SDK1: variants seen among roughly 807,000 people sequenced by gnomAD.
SDK1 encodes the protein sidekick cell adhesion molecule 1.
Under a neutral mutation model 245.5 loss-of-function variants are expected in SDK1, and 157 were observed. That is an observed-to-expected ratio of 0.64 (90% confidence interval 0.56 to 0.73). The LOEUF (loss-of-function observed/expected upper bound fraction) is 0.73, where lower values mean the gene tolerates loss of function less well. SDK1 is among the 30% of genes least tolerant of loss of function. The pLI, the probability that SDK1 is intolerant of heterozygous loss-of-function variation, is 0.00. For missense variants in SDK1, 3,583 were observed against 3,002.3 expected, an observed-to-expected ratio of 1.19 and a Z score of -4.52; for synonymous variants, 1,647 against 1,278.5, an observed-to-expected ratio of 1.29 and a Z score of -6.15.
At chr7:4,078,044 G>A (rs998650359) in intron 21 of SDK1, among the ~76,000 whole-genome samples, 12 of 152,196 alleles carry the variant, frequency 7.9e-5, no homozygotes, top group Non-Finnish European at 1.5e-4. Flanking sequence ...ACCTCCGGAA[G>A]GCTGTGCTTC....
chr7:3,404,486 T>C (rs1779000361), intron 1 of SDK1, among the ~76,000 whole-genome samples: 1 of 152,252 alleles, frequency 6.6e-6, no homozygotes, highest in African/African-American at 2.4e-5. Context: ...TAATAGTGAC[T>C]GTTGACTTCT....
At chr7:3,537,617 G>C (rs1205834077) in intron 1 of SDK1, among the ~76,000 whole-genome samples, 2 of 152,174 alleles carry the variant, frequency 1.3e-5, no homozygotes, top group Non-Finnish European at 2.9e-5. Context: ...TTTCTTCAGT[G>C]ACTATTCATC....
intron 25 of SDK1, among the ~76,000 whole-genome samples, chr7:4,123,850 T>G (rs1187165723): frequency 2.0e-5 from 3 of 152,188 alleles, no homozygotes; most frequent in Non-Finnish European, 4.4e-5. Context: ...GGGAAGGTGC[T>G]CAGCATGGTA....
At chr7:3,902,555 G>T (rs1781826123) in intron 5 of SDK1, among the ~76,000 whole-genome samples, 1 of 151,868 alleles carries the variant, frequency 6.6e-6, no homozygotes, top group African/African-American at 2.4e-5. Flanking sequence ...TCTTCCATTT[G>T]TTATATTACC....
intron 1 of SDK1, among the ~76,000 whole-genome samples, chr7:3,539,205 T>A (rs932708558): frequency 6.6e-6 from 1 of 152,206 alleles, no homozygotes; most frequent in African/African-American, 2.4e-5. Flanking sequence ...CCAGGGGATC[T>A]CACTTGGACC....
chr7:3,776,312 G>A (rs186075995), intron 4 of SDK1, among the ~76,000 whole-genome samples: 2 of 152,304 alleles, frequency 1.3e-5, no homozygotes, highest in Non-Finnish European at 2.9e-5. Context: ...CTGCAGAGAT[G>A]TTAGTTTTTC....
At chr7:3,463,387 G>A (rs541974467) in intron 1 of SDK1, among the ~76,000 whole-genome samples, 1 of 152,236 alleles carries the variant, frequency 6.6e-6, no homozygotes, top group East Asian at 1.9e-4. Flanking sequence ...AATGAACATA[G>A]ATTGAGTTTT....
At chr7:3,921,501 A>G (rs886849731) in intron 5 of SDK1, among the ~76,000 whole-genome samples, 3 of 152,226 alleles carry the variant, frequency 2.0e-5, no homozygotes, top group Non-Finnish European at 2.9e-5. Context: ...GTTGTGTTAC[A>G]CGATGTTCTA....
At chr7:3,582,439 T>C (rs868597635) in intron 1 of SDK1, among the ~76,000 whole-genome samples, 62 of 136,488 alleles carry the variant, frequency 4.5e-4, no homozygotes, top group African/African-American at 1.2e-3. Flanking sequence ...GGTAGGTCTG[T>C]CTCAGGTAGG....
At chr7:3,858,261 CA>C (rs930266171) in intron 5 of SDK1, among the ~76,000 whole-genome samples, 1 of 151,746 alleles carries the variant, frequency 6.6e-6, no homozygotes, top group Non-Finnish European at 1.5e-5. Context: ...TAAAAAAACA[CA>C]AAAGATAAGT....
At chr7:3,467,596 A>G (rs1416893350) in intron 1 of SDK1, among the ~76,000 whole-genome samples, 1 of 152,052 alleles carries the variant, frequency 6.6e-6, no homozygotes, top group African/African-American at 2.4e-5. Context: ...TATCTGTACT[A>G]AAGTATGATA....
At chr7:3,318,214 C>A (rs1424332161) in intron 1 of SDK1, among the ~76,000 whole-genome samples, 2 of 152,174 alleles carry the variant, frequency 1.3e-5, no homozygotes, top group South Asian at 4.1e-4. Flanking sequence ...TACCTTGTTA[C>A]AAACATGCAC....
At chr7:3,605,334 A>G (rs1195415551) in intron 1 of SDK1, among the ~76,000 whole-genome samples, 2 of 152,252 alleles carry the variant, frequency 1.3e-5, no homozygotes, top group Non-Finnish European at 2.9e-5. Context: ...CTCAGTGCTT[A>G]TTAGATTGTT....
chr7:3,995,299 T>C (rs1784619700), intron 14 of SDK1, among the ~76,000 whole-genome samples: 1 of 152,144 alleles, frequency 6.6e-6, no homozygotes, highest in Non-Finnish European at 1.5e-5. Flanking sequence ...CAGCTCTTAC[T>C]CAGCATCTCC....
intron 25 of SDK1, among the ~76,000 whole-genome samples, chr7:4,123,875 G>A (rs916666994): frequency 2.3e-4 from 35 of 152,218 alleles, no homozygotes; most frequent in African/African-American, 6.5e-4. Context: ...GAGAAGGGAA[G>A]GGAGAGATGC....
chr7:3,759,951 T>A (rs1179667680), intron 4 of SDK1, among the ~76,000 whole-genome samples: 1 of 152,194 alleles, frequency 6.6e-6, no homozygotes, highest in African/African-American at 2.4e-5. Flanking sequence ...CTGTGCTATA[T>A]ATTTCCTTTT....
chr7:3,620,852 G>T (rs1321184589), intron 2 of SDK1, among the ~76,000 whole-genome samples: 1 of 152,088 alleles, frequency 6.6e-6, no homozygotes, highest in Non-Finnish European at 1.5e-5. Context: ...CTTTAGACAA[G>T]TGAGTGTGTG....
chr7:4,145,599 G>T, intron 28 of SDK1, 123 bp from the exon 29 acceptor site: 1 of 837,194 alleles, frequency 1.2e-6, no homozygotes, highest in Non-Finnish European at 1.9e-6. Flanking sequence ...CACAGGCAGT[G>T]ACCTCCAGAG....
At chr7:4,211,113 C>T in intron 38 of SDK1, among the ~76,000 whole-genome samples, 1 of 152,150 alleles carries the variant, frequency 6.6e-6, no homozygotes, top group East Asian at 1.9e-4. Flanking sequence ...GAGGACCTGA[C>T]CTCCCCAAGA....
Sources: gnomAD v4.1 joint callset for allele counts (sites outside exome capture counted in the v4.1 genomes callset) on GRCh38, gnomAD v4.1.1 for gene constraint, MANE v1.5 for transcripts, NCBI Gene and HGNC (gene_info 2026-07-23, HGNC 2026-07-21) for gene names.